Variants in NAV1 observed in about 807,000 individuals in gnomAD.
NAV1 encodes neuron navigator 1.
Under a neutral mutation model 175.2 loss-of-function variants are expected in NAV1, and 18 were observed. The ratio of observed to expected loss-of-function variants is 0.10; its 90% CI spans 0.07 to 0.15. NAV1 has a LOEUF of 0.15. Among genes scored for constraint, NAV1 ranks in the 10% least tolerant of loss-of-function variants. The pLI is 1.00. For synonymous variants in NAV1, 897 were observed against 978.7 expected (o/e 0.92, Z 1.56); for missense variants, 1,731 against 2,436.6 (o/e 0.71, Z 6.10).
chr1:201,637,433 C>T (rs1668642791), intron 2 of NAV1, among the ~76,000 whole-genome samples: 1 of 152,104 alleles, frequency 6.6e-6, no homozygotes, highest in Admixed American at 6.6e-5. Context: ...AGTCTGTGAA[C>T]ATAGATTAAG....
At chr1:201,716,113 CT>C (rs955102442) in intron 2 of NAV1, among the ~76,000 whole-genome samples, 89 of 152,298 alleles carry the variant, frequency 5.8e-4, no homozygotes, top group Admixed American at 1.6e-3. Flanking sequence ...AACCCAGATG[CT>C]GAGTGCAGCC....
intron 2 of NAV1, among the ~76,000 whole-genome samples, chr1:201,614,710 G>T (rs1667953305): frequency 6.6e-6 from 1 of 152,212 alleles, no homozygotes; most frequent in Non-Finnish European, 1.5e-5. Flanking sequence ...GGGGTGGAAA[G>T]GAGTTAGGGC....
rs774587885 is a variant in NAV1 at position 201,813,272 on chromosome 1, C to A, written c.5340+14C>A. The A allele has an allele frequency of 2.6e-6, 4 of 1,535,378 alleles. No homozygotes were observed. In the Admixed American group the frequency reaches 6.8e-5, roughly 26 times the overall value. ...GATGGGATAAAGGTGAGCCCTACCCCCTTCACTCAAACCCTAAGATCAGGC... is the reference window on the plus strand; with the variant it reads ...GATGGGATAAAGGTGAGCCCTACCCACTTCACTCAAACCCTAAGATCAGGC... On this transcript the variant is annotated intron_variant, in intron 28 of 29. Coordinates refer to ENST00000367296, the Ensembl canonical transcript of NAV1. This position sits in a 1 kb window ranked among gnomAD's most constrained non-coding sequence, Gnocchi z 4.2.
At chr1:201,811,568 C>T in intron 24 of NAV1, 35 bp from the exon 29 acceptor site, 3 of 1,613,556 alleles carry the variant, frequency 1.9e-6, no homozygotes, top group East Asian at 4.5e-5. Context: ...GCTGCTTATT[C>T]CCAAGTGCTG....
intron 3 of NAV1, among the ~76,000 whole-genome samples, chr1:201,736,430 C>A (rs1463144575): frequency 6.6e-6 from 1 of 152,194 alleles, no homozygotes; most frequent in Non-Finnish European, 1.5e-5. Flanking sequence ...ACCACATCAA[C>A]CTCTGAGATT....
At chr1:201,545,039 C>T (rs965484387) in intron 1 of NAV1, among the ~76,000 whole-genome samples, 4 of 152,222 alleles carry the variant, frequency 2.6e-5, no homozygotes, top group African/African-American at 4.8e-5. Flanking sequence ...TGAGCATCAT[C>T]GCTACACTCT....
In NAV1 at chr1:201,539,818, C is replaced by T. The variant is rs1665451215; in HGVS notation, c.-144+476C>T. On this transcript the variant is annotated intron_variant, in intron 1 of 33. Transcript: ENST00000685211. This position sits in a 1 kb window ranked among gnomAD's most constrained non-coding sequence, Gnocchi z 5.6. ...CCCATCCCAGCAGGAGCCAGAGGAACAGCTGGGGCAGGTGACCTCGCGGGC... is the reference window on the plus strand; with the variant it reads ...CCCATCCCAGCAGGAGCCAGAGGAATAGCTGGGGCAGGTGACCTCGCGGGC... 6.6e-6 allele frequency among the ~76,000 whole-genome samples: 1 copy of T among 152,198 alleles called. No individual in the cohort carries two copies. The highest frequency in any genetic ancestry group is 6.5e-5 in the Admixed American group (1 of 15,286).
chr1:201,543,688 A>G (rs1274584130), intron 1 of NAV1, among the ~76,000 whole-genome samples: 3 of 152,202 alleles, frequency 2.0e-5, no homozygotes, highest in Admixed American at 2.0e-4. Context: ...ACAATTTACC[A>G]TTTTAGCCAC....
intron 1 of NAV1, among the ~76,000 whole-genome samples, chr1:201,653,072 G>C (rs957933056): frequency 1.3e-5 from 2 of 152,164 alleles, no homozygotes; most frequent in Non-Finnish European, 2.9e-5. Context: ...ATGGGTACTA[G>C]AAGTATAGTT....
chr1:201,690,140 G>A (rs528409147), intron 1 of NAV1, among the ~76,000 whole-genome samples: 1,876 of 134,652 alleles, frequency 0.014, 69 homozygotes, highest in African/African-American at 0.053. Flanking sequence ...TGGCCTGTCC[G>A]TGGCAGAGTA....
In NAV1 at chr1:201,740,047, A is replaced by G. The variant is rs1352869449; in HGVS notation, c.1226+21292A>G. 6.7e-7 allele frequency: 1 copy of G among 1,502,118 alleles called. No homozygotes were observed. The highest frequency in any genetic ancestry group is 2.7e-5 in the East Asian group (1 of 36,570). The allele number at this position is 1,502,118 out of a possible 1,614,324, so 93.0% of individuals were successfully genotyped here. The stretch of plus-strand genomic sequence containing the variant: ...AGATGCTTCATCTGCCCCTGCCCAG[A>G]TCCGGAAGAACGGTGAATTTCCCCC... On this transcript the variant is annotated intron_variant, in intron 3 of 29. Coordinates refer to ENST00000367296, the Ensembl canonical transcript of NAV1. This position sits in a 1 kb window ranked among gnomAD's most constrained non-coding sequence, Gnocchi z 4.7.
exon 1 of NAV1, chr1:201,623,379 G>A: frequency 1.0e-6 from 1 of 985,912 alleles, no homozygotes; most frequent in Non-Finnish European, 1.2e-6. Flanking sequence ...CGGAAGGTCG[G>A]AAGCCTCCAA....
chr1:201,738,274 T>C (rs1163414872), intron 3 of NAV1, among the ~76,000 whole-genome samples: 1 of 152,094 alleles, frequency 6.6e-6, no homozygotes, highest in Non-Finnish European at 1.5e-5. Flanking sequence ...TGCAGCTCTT[T>C]ACTCCCCTTT....
chr1:201,819,986 TTAGCTCCTCCTC>T (rs1679295036), exon 30 of NAV1: 2 of 1,518,804 alleles, frequency 1.3e-6, no homozygotes, highest in African/African-American at 2.7e-5. Context: ...ATCAGCTATC[TTAGCTCCTCCTC>T]TCCCCTCTCC....
chr1:201,674,286 G>C (rs1670158278), intron 1 of NAV1: 1 of 152,246 alleles, frequency 6.6e-6, no homozygotes, highest in South Asian at 2.1e-4. Flanking sequence ...TGGAAGAGGG[G>C]TTGCAGCAGA....
chr1:201,595,795 G>C (rs1667332537), intron 2 of NAV1, among the ~76,000 whole-genome samples: 3 of 152,264 alleles, frequency 2.0e-5, no homozygotes, highest in Admixed American at 1.3e-4. Context: ...TGCTGTCTCA[G>C]TCATCACTTA....
chr1:201,766,127 T>C (rs541941257), intron 3 of NAV1, among the ~76,000 whole-genome samples: 24 of 152,362 alleles, frequency 1.6e-4, no homozygotes, highest in African/African-American at 5.3e-4. Context: ...TACCTTGTTC[T>C]TTAAAGTCCT....
intron 2 of NAV1, among the ~76,000 whole-genome samples, chr1:201,633,399 A>C (rs183286644): frequency 1.3e-5 from 2 of 152,148 alleles, no homozygotes; most frequent in African/African-American, 4.8e-5. Flanking sequence ...GTTATATAAA[A>C]CCTGTCTGAG....
intron 13 of NAV1, chr1:201,791,509 T>G (rs967987057): frequency 2.0e-5 from 3 of 152,200 alleles, no homozygotes; most frequent in African/African-American, 7.2e-5. Flanking sequence ...ACAGAGAACA[T>G]AAGAGCCATT....
Sources: gnomAD v4.1 joint callset for allele counts (sites outside exome capture counted in the v4.1 genomes callset) on GRCh38, gnomAD v4.1.1 for gene constraint, Gnocchi (gnomAD v3.1) non-coding constraint, MANE v1.5 for transcripts, NCBI Gene and HGNC (gene_info 2026-07-23, HGNC 2026-07-21) for gene names.